DEPDC1B: variants seen among roughly 807,000 people sequenced by gnomAD.
DEPDC1B encodes the protein DEP domain containing 1B.
In DEPDC1B, 51 loss-of-function variants were observed where a neutral mutation model predicts 66.5. The observed-to-expected ratio is 0.77, with a 90% CI of 0.61 to 0.97. The LOEUF (loss-of-function observed/expected upper bound fraction) is 0.97. Among genes scored for constraint, DEPDC1B ranks in the 50% least tolerant of loss-of-function variants. The pLI, the probability that DEPDC1B is intolerant of heterozygous loss-of-function variation, is 0.00. For missense variants in DEPDC1B, 552 were observed against 637.1 expected (o/e 0.87, Z 1.44); for synonymous variants, 226 against 223.6 (o/e 1.01, Z -0.10).
chr5:60,688,982 C>T (rs1360878491), intron 1 of DEPDC1B: 1 of 456,052 alleles, frequency 2.2e-6, no homozygotes, highest in South Asian at 1.6e-5. Context: ...TGGCCATGCT[C>T]ACCACACAAT....
At chr5:60,620,854 G>A (rs571764276) in intron 7 of DEPDC1B, among the ~76,000 whole-genome samples, 31 of 152,242 alleles carry the variant, frequency 2.0e-4, no homozygotes, top group Middle Eastern at 3.4e-3. Flanking sequence ...TGTTTATTGA[G>A]GCACTATTCA....
At chr5:60,606,642 T>G (rs1413812758) in intron 7 of DEPDC1B, among the ~76,000 whole-genome samples, 2 of 147,822 alleles carry the variant, frequency 1.4e-5, no homozygotes, top group South Asian at 2.1e-4. Flanking sequence ...AAAAAAAATT[T>G]AATTAGCCGC....
intron 1 of DEPDC1B, among the ~76,000 whole-genome samples, chr5:60,696,827 C>G (rs1273851073): frequency 1.3e-5 from 2 of 149,842 alleles, no homozygotes. Flanking sequence ...GCATCCTGTT[C>G]TTTTCTCCAG....
chr5:60,655,449 A>G (rs560276516), intron 2 of DEPDC1B, among the ~76,000 whole-genome samples: 1 of 148,798 alleles, frequency 6.7e-6, no homozygotes, highest in East Asian at 2.1e-4. Flanking sequence ...GATCTTTTGT[A>G]TTTATATGGT....
At position 60,631,021 on chromosome 5, in the gene DEPDC1B, A is replaced by G. The variant is rs551732885; in HGVS notation, c.898+7729T>C. 3 of 154,462 alleles carry G rather than the reference A, an allele frequency of 1.9e-5. No individual in the cohort carries two copies. In the South Asian group the frequency reaches 6.2e-4, roughly 32 times the overall value. The allele number at this position is 154,462 out of a possible 1,614,324, so 9.6% of individuals were successfully genotyped here. On this transcript the variant is annotated intron_variant, in intron 7 of 10. Coordinates refer to ENST00000265036, the MANE Select transcript of DEPDC1B (RefSeq NM_018369.3). The stretch of plus-strand genomic sequence containing the variant: ...GAGAATGTGTCTTCAGTGGTCCAGA[A>G]GATCCGCTGCCCACGCCAAGCAGTG...
chr5:60,681,524 A>G (rs1449001737), intron 2 of DEPDC1B, among the ~76,000 whole-genome samples: 1 of 152,226 alleles, frequency 6.6e-6, no homozygotes, highest in Non-Finnish European at 1.5e-5. Flanking sequence ...ACAAAAGCCA[A>G]TCCATAAAAC....
intron 1 of DEPDC1B, among the ~76,000 whole-genome samples, chr5:60,688,293 T>C (rs933375066): frequency 3.3e-5 from 5 of 152,016 alleles, no homozygotes; most frequent in Admixed American, 2.0e-4. Flanking sequence ...ATGGTTCCTT[T>C]GAAAGGACCT....
chr5:60,643,683 G>A (rs1197346395), intron 5 of DEPDC1B, among the ~76,000 whole-genome samples: 1 of 152,194 alleles, frequency 6.6e-6, no homozygotes, highest in East Asian at 1.9e-4. Flanking sequence ...TACACTCAGA[G>A]AATGTGGAAG....
chr5:60,610,832 C>T (rs1224721377), intron 7 of DEPDC1B, among the ~76,000 whole-genome samples: 1 of 152,158 alleles, frequency 6.6e-6, no homozygotes, highest in Non-Finnish European at 1.5e-5. Context: ...TCCTATACAA[C>T]TCAAACTTTT....
At chr5:60,626,511 C>T (rs372295047) in intron 7 of DEPDC1B, among the ~76,000 whole-genome samples, 30 of 152,228 alleles carry the variant, frequency 2.0e-4, no homozygotes, top group East Asian at 1.3e-3. Flanking sequence ...TTTTACCAAA[C>T]GGCAGTGCCA....
chr5:60,667,473 T>C (rs1204041125), intron 2 of DEPDC1B, among the ~76,000 whole-genome samples: 1 of 146,116 alleles, frequency 6.8e-6, no homozygotes, highest in African/African-American at 2.5e-5. Context: ...AAAAAATGGA[T>C]ATTTTACATA....
At chr5:60,667,635 A>G (rs975238781) in intron 2 of DEPDC1B, among the ~76,000 whole-genome samples, 12 of 135,314 alleles carry the variant, frequency 8.9e-5, no homozygotes, top group African/African-American at 2.6e-4. Context: ...TATTTTACAT[A>G]TATGAAAAAT....
chr5:60,686,035 GAC>G (rs1395125408), intron 2 of DEPDC1B, among the ~76,000 whole-genome samples: 4 of 152,116 alleles, frequency 2.6e-5, no homozygotes, highest in Non-Finnish European at 5.9e-5. Flanking sequence ...ATGCACTCAC[GAC>G]AGACAGTCTC....
chr5:60,612,146 G>T (rs1229491753), intron 7 of DEPDC1B, among the ~76,000 whole-genome samples: 1 of 152,074 alleles, frequency 6.6e-6, no homozygotes, highest in Non-Finnish European at 1.5e-5. Context: ...CATCTGGCTG[G>T]GTGCAGTGGC....
At chr5:60,658,743 C>T (rs1045642876) in intron 2 of DEPDC1B, among the ~76,000 whole-genome samples, 2 of 152,196 alleles carry the variant, frequency 1.3e-5, no homozygotes, top group African/African-American at 4.8e-5. Flanking sequence ...AGCATTCCAG[C>T]AGGGAGCAGC....
chr5:60,616,856 T>C (rs1362747042), intron 7 of DEPDC1B, among the ~76,000 whole-genome samples: 2 of 151,862 alleles, frequency 1.3e-5, no homozygotes, highest in Admixed American at 6.6e-5. Context: ...AAAGTTGAAA[T>C]GAAGGAAAAA....
intron 2 of DEPDC1B, among the ~76,000 whole-genome samples, chr5:60,675,432 A>G (rs1754131627): frequency 6.6e-6 from 1 of 152,140 alleles, no homozygotes; most frequent in African/African-American, 2.4e-5. Context: ...ATTACCTAGG[A>G]ACAAACCCAT....
At chr5:60,616,835 T>C (rs1286375801) in intron 7 of DEPDC1B, among the ~76,000 whole-genome samples, 3 of 152,036 alleles carry the variant, frequency 2.0e-5, no homozygotes, top group Non-Finnish European at 4.4e-5. Context: ...CACATAATTG[T>C]CAGATTCACC....
chr5:60,621,980 T>C (rs766592347), intron 7 of DEPDC1B, among the ~76,000 whole-genome samples: 16 of 152,076 alleles, frequency 1.1e-4, no homozygotes, highest in Non-Finnish European at 1.9e-4. Flanking sequence ...TTATGAGTTA[T>C]ATTAAATAAA....
Sources: allele counts gnomAD v4.1 joint callset (sites outside exome capture counted in the v4.1 genomes callset), GRCh38; gene constraint gnomAD v4.1.1; transcripts MANE v1.5; gene names NCBI Gene and HGNC (gene_info 2026-07-23, HGNC 2026-07-21).